ADARB2: variants seen among roughly 807,000 people sequenced by gnomAD.
ADARB2 encodes inactive double-stranded RNA-specific editase B2.
Under a neutral mutation model 62.2 loss-of-function variants are expected in ADARB2, and 25 were observed. That is an observed-to-expected ratio of 0.40 (90% CI 0.29 to 0.56). ADARB2 has a LOEUF of 0.56. Ranked by LOEUF, ADARB2 falls within the 20% of genes least tolerant of loss-of-function variation. The pLI, the probability that ADARB2 is intolerant of heterozygous loss-of-function variation, is 0.43. For synonymous variants in ADARB2, 572 were observed against 500.8 expected (o/e 1.14, Z -1.90); for missense variants, 1,071 against 1,077.4 (o/e 0.99, Z 0.08).
intron 3 of ADARB2, among the ~76,000 whole-genome samples, chr10:1,336,709 A>G (rs1203822397): frequency 1.3e-5 from 2 of 152,220 alleles, no homozygotes; most frequent in African/African-American, 4.8e-5. Context: ...GAAGACCACA[A>G]AACTTCTCTG....
intron 1 of ADARB2, among the ~76,000 whole-genome samples, chr10:1,687,566 T>A (rs79784382): frequency 0.046 from 6,993 of 151,764 alleles, 237 homozygotes; most frequent in African/African-American, 0.086. Flanking sequence ...TGATTGATTT[T>A]ATAAGAGATT....
chr10:1,698,961 A>T (rs912581898), intron 1 of ADARB2, among the ~76,000 whole-genome samples: 3 of 152,140 alleles, frequency 2.0e-5, no homozygotes, highest in African/African-American at 7.2e-5. Context: ...GGGTTTCGCC[A>T]TGTTGGCCAG....
At chr10:1,718,580 T>C (rs552378308) in intron 1 of ADARB2, among the ~76,000 whole-genome samples, 3 of 152,232 alleles carry the variant, frequency 2.0e-5, no homozygotes, top group Non-Finnish European at 4.4e-5. Flanking sequence ...TGTCTGAGCA[T>C]TGCCCCTGTG....
chr10:1,569,844 G>A (rs984046121), intron 1 of ADARB2, among the ~76,000 whole-genome samples: 1 of 152,000 alleles, frequency 6.6e-6, no homozygotes, highest in Non-Finnish European at 1.5e-5. Flanking sequence ...CTAAAAGAAT[G>A]GCAGCATTTG....
chr10:1,663,293 A>G (rs1186393219), intron 1 of ADARB2, among the ~76,000 whole-genome samples: 3 of 152,130 alleles, frequency 2.0e-5, no homozygotes, highest in Admixed American at 2.0e-4. Flanking sequence ...GTATTGATGC[A>G]TTATTATTGG....
intron 1 of ADARB2, among the ~76,000 whole-genome samples, chr10:1,610,217 C>T (rs1833549753): frequency 6.6e-6 from 1 of 152,134 alleles, no homozygotes; most frequent in Non-Finnish European, 1.5e-5. Flanking sequence ...CTCCCTGCAG[C>T]CCCAGGGCCC....
chr10:1,482,236 C>T (rs73580357), intron 1 of ADARB2, among the ~76,000 whole-genome samples: 4,873 of 152,236 alleles, frequency 0.032, 239 homozygotes, highest in African/African-American at 0.11. Flanking sequence ...TGTGGGTATA[C>T]GTCCCAGATA....
chr10:1,247,574 A>G (rs1202335820), intron 4 of ADARB2, among the ~76,000 whole-genome samples: 1 of 152,192 alleles, frequency 6.6e-6, no homozygotes, highest in Admixed American at 6.5e-5. Flanking sequence ...GGGCGTCATC[A>G]TCTCTCCCCT....
At chr10:1,523,833 T>C (rs562537821) in intron 1 of ADARB2, among the ~76,000 whole-genome samples, 3 of 152,350 alleles carry the variant, frequency 2.0e-5, no homozygotes, top group Non-Finnish European at 4.4e-5. Flanking sequence ...TTTAATCTCC[T>C]ATTTTATAAA....
intron 3 of ADARB2, among the ~76,000 whole-genome samples, chr10:1,274,308 C>G (rs1831293148): frequency 6.6e-6 from 1 of 152,240 alleles, no homozygotes; most frequent in Non-Finnish European, 1.5e-5. Flanking sequence ...GTTGCCAGCT[C>G]TGGTATCCGA....
intron 3 of ADARB2, chr10:1,293,058 GGAAAGGGGGGAGAGGAGGGAGA>G (rs1162925414): frequency 2.8e-4 from 31 of 112,334 alleles, no homozygotes; most frequent in East Asian, 1.9e-3. Context: ...AGGGAGGGAG[GGAAAGGGGGGAGAGGAGGGAGA>G]GAAAGGGAGG....
chr10:1,653,699 G>A (rs1045565504), intron 1 of ADARB2, among the ~76,000 whole-genome samples: 1 of 152,154 alleles, frequency 6.6e-6, no homozygotes, highest in Non-Finnish European at 1.5e-5. Context: ...CCACATGTTC[G>A]GTCTCATCTC....
At position 1,507,527 on chromosome 10, in the gene ADARB2, C is replaced by G. The variant is rs1350509407; in HGVS notation, c.101-128367G>C. Among the ~76,000 whole-genome samples the G allele has an allele frequency of 5.9e-5, 9 of 152,216 alleles. No individual in the cohort carries two copies. In the East Asian group the frequency reaches 1.7e-3, roughly 29 times the overall value. ...TGCTTCCTTTACTACGTGAATCTGA[C>G]GACTGCCTAGAGGGAAACGTGAGCT... On this transcript the variant is annotated intron_variant, in intron 1 of 9. Transcript: ENST00000381312.
At chr10:1,314,214 C>T (rs903827986) in intron 3 of ADARB2, among the ~76,000 whole-genome samples, 1 of 152,198 alleles carries the variant, frequency 6.6e-6, no homozygotes, top group Non-Finnish European at 1.5e-5. Context: ...GGAGAGCTGC[C>T]AACCATCAAC....
At chr10:1,564,481 A>G (rs1050154650) in intron 1 of ADARB2, among the ~76,000 whole-genome samples, 1 of 152,102 alleles carries the variant, frequency 6.6e-6, no homozygotes, top group Non-Finnish European at 1.5e-5. Context: ...GCAACCTACA[A>G]AATGGGAGAA....
chr10:1,409,544 G>A (rs1832738148), intron 1 of ADARB2, among the ~76,000 whole-genome samples: 1 of 150,262 alleles, frequency 6.7e-6, no homozygotes, highest in Admixed American at 6.6e-5. Context: ...AGGATTCTCA[G>A]TGGTGCCGAG....
chr10:1,673,479 T>A (rs988271646), intron 1 of ADARB2, among the ~76,000 whole-genome samples: 1 of 152,162 alleles, frequency 6.6e-6, no homozygotes, highest in Admixed American at 6.5e-5. Context: ...AACAAAAAGT[T>A]TGTAAGGATA....
rs1220244882 is a variant in ADARB2, at chr10:1,182,467, C to T, written c.*726G>A. 1.3e-5 allele frequency: 2 copies of T among 153,152 alleles called. No homozygotes were observed. Among genetic ancestry groups the T allele is most frequent in the African/African-American group, 2.4e-5 (1 of 41,380 alleles). 9.5% of individuals were successfully genotyped at this position (153,152 alleles called of 1,614,324 possible). A position where few individuals can be genotyped will look rare whatever the true frequency, so the allele number is the denominator to read the frequency against. Reference sequence around the variant, plus strand: ...CCCCACATCTGCAGCACGCGTGGGCCGGGTGTTTCCAGGCTCCCCACATCT... The same window carrying T: ...CCCCACATCTGCAGCACGCGTGGGCTGGGTGTTTCCAGGCTCCCCACATCT... On this transcript the variant is annotated 3_prime_UTR_variant, in exon 10 of 10. Transcript: ENST00000381312.
At chr10:1,340,811 G>A (rs537766454) in intron 3 of ADARB2, among the ~76,000 whole-genome samples, 56 of 136,566 alleles carry the variant, frequency 4.1e-4, no homozygotes, top group African/African-American at 1.5e-3. Flanking sequence ...GCCCCACAGC[G>A]GCAATAACCA....
Sources: gnomAD v4.1 joint callset for allele counts (sites outside exome capture counted in the v4.1 genomes callset) on GRCh38, gnomAD v4.1.1 for gene constraint, MANE v1.5 for transcripts, NCBI Gene and HGNC (gene_info 2026-07-23, HGNC 2026-07-21) for gene names.